The following DIP2A variants were observed in gnomAD, a reference collection of about 807,000 sequenced individuals.
DIP2A encodes the protein disco-interacting protein 2 homolog A.
Under a neutral mutation model 177.4 loss-of-function variants are expected in DIP2A, and 85 were observed. That is an observed-to-expected ratio of 0.48 (90% CI 0.40 to 0.57). The LOEUF (loss-of-function observed/expected upper bound fraction) is 0.57. DIP2A is among the 20% of genes least tolerant of loss of function. The pLI, the probability that DIP2A is intolerant of heterozygous loss-of-function variation, is 0.00. For missense variants in DIP2A, 1,791 were observed against 2,100.2 expected (o/e 0.85, Z 2.88); for synonymous variants, 886 against 881.8 (o/e 1.00, Z -0.08).
intron 34 of DIP2A, among the ~76,000 whole-genome samples, chr21:46,562,523 C>T (rs1325924721): frequency 6.6e-6 from 1 of 152,138 alleles, no homozygotes; most frequent in Non-Finnish European, 1.5e-5. Context: ...GAGAGGGGTC[C>T]AGAGAGGGAC....
chr21:46,534,767 T>G, intron 13 of DIP2A, 80 bp downstream of exon 13: 2 of 1,308,262 alleles, frequency 1.5e-6, no homozygotes, highest in Non-Finnish European at 2.1e-6. Context: ...TGACTGTCAC[T>G]GCACCTGTCA....
At chr21:46,554,113 G>A (rs1036973742) in intron 25 of DIP2A, 56 bp from the exon 26 acceptor site, 14 of 1,568,944 alleles carry the variant, frequency 8.9e-6, no homozygotes, top group South Asian at 2.3e-5. Flanking sequence ...GCAGATCTGC[G>A]AACAGCCCAC....
chr21:46,543,737 C>T (rs536981438), intron 18 of DIP2A, among the ~76,000 whole-genome samples: 4 of 152,298 alleles, frequency 2.6e-5, no homozygotes, highest in African/African-American at 7.2e-5. Flanking sequence ...TGTGGCTTTT[C>T]GTGACCTTGC....
intron 35 of DIP2A, 62 bp from the exon 36 acceptor site, chr21:46,565,651 G>C (rs552325804): frequency 2.0e-6 from 3 of 1,516,116 alleles, no homozygotes. Flanking sequence ...TGGATGTCTC[G>C]TGACAGAATC....
At chr21:46,558,589 G>A (rs1166493109) in intron 32 of DIP2A, 196 bp downstream of exon 32, 12 of 618,488 alleles carry the variant, frequency 1.9e-5, no homozygotes. Flanking sequence ...GTTGGAGAAA[G>A]GCTTATTTGG....
chr21:46,522,054 C>A (rs555866880), intron 8 of DIP2A, among the ~76,000 whole-genome samples: 16 of 152,324 alleles, frequency 1.1e-4, no homozygotes, highest in South Asian at 6.2e-4. Context: ...AAGCATTTAG[C>A]AAACCTAATA....
chr21:46,554,845 C>T lies in DIP2A; in HGVS notation c.3300C>T (p.Leu1100=). The change falls in exon 28 of 38, where the codon CTC becomes CTT. Residue 1100 remains leucine, a synonymous_variant. Transcript: ENST00000417564. ...IVEVSKSACV[L]TTQAVTRLLR... Reference sequence around the variant, plus strand: ...AGGTCAGCAAGTCTGCATGCGTCCTCACCACGCAGGCTGTCACACGGCTGC... The same window carrying T: ...AGGTCAGCAAGTCTGCATGCGTCCTTACCACGCAGGCTGTCACACGGCTGC... 6.5e-7 allele frequency: 1 copy of T among 1,544,954 alleles called. No individual in the cohort carries two copies. Among genetic ancestry groups the T allele is most frequent in the Non-Finnish European group, 8.7e-7 (1 of 1,144,838 alleles).
In DIP2A at chr21:46,534,044, T is replaced by A. The variant is rs775309014; in HGVS notation, c.1470T>A (p.His490Gln). 1 of 1,613,776 alleles carries A rather than the reference T, an allele frequency of 6.2e-7. No homozygotes were observed. The change falls in exon 12 of 38, where the codon CAT (histidine) becomes CAA (glutamine). Residue 490 changes from histidine (H) to glutamine (Q), a missense_variant. Coordinates refer to ENST00000417564, the MANE Select transcript of DIP2A (RefSeq NM_015151.4). ...CCTGGCTAGTGATTGATGGGAAGCATCTAGCCAAGCCCCCAAAGGACTGGC... is the reference window on the plus strand; with the variant it reads ...CCTGGCTAGTGATTGATGGGAAGCAACTAGCCAAGCCCCCAAAGGACTGGC... ...PLSWLVIDGKHLAKPPKDWHP... is the reference protein window; with the variant it reads ...PLSWLVIDGKQLAKPPKDWHP...
At chr21:46,550,861 G>A in intron 23 of DIP2A, 117 bp downstream of exon 23, 1 of 1,080,538 alleles carries the variant, frequency 9.3e-7, no homozygotes. Context: ...CTTTGGGGCT[G>A]GGGTCAAGAG....
At chr21:46,481,433 T>C (rs1197524331) in intron 1 of DIP2A, among the ~76,000 whole-genome samples, 2 of 152,200 alleles carry the variant, frequency 1.3e-5, no homozygotes, top group Non-Finnish European at 2.9e-5. Context: ...GTGTACAGGT[T>C]TTTATGTGAA....
Position 46,556,876 on chromosome 21 carries a change from C to G in DIP2A, c.3499-63C>G. On this transcript the variant is annotated intron_variant, in intron 29 of 37. Transcript: ENST00000417564. The surrounding 1 kb of genome is among the most constrained non-coding windows in gnomAD (Gnocchi z 4.5). ...CCATGTGAACAGCGGACACTGCCAT[C>G]CACCCTCTCCCCTCCTGAATTTCAT... is the stretch of plus-strand genomic sequence containing the variant. 2 of 1,419,916 alleles carry G rather than the reference C, an allele frequency of 1.4e-6. No homozygotes were observed. The highest frequency in any genetic ancestry group is 1.9e-6 in the Non-Finnish European group (2 of 1,057,696). 88.0% of individuals were successfully genotyped at this position (1,419,916 alleles called of 1,614,324 possible).
At position 46,490,691 on chromosome 21, in the gene DIP2A, C is replaced by T. The variant is rs757283599; in HGVS notation, c.255C>T (p.Thr85=). ...CCAAGCAGCAGAAGTCTCGGCCCAC[C>T]GCCTCGAGGGATGAGCGCTTCCGGT... ...AAPKQQKSRP[T]ASRDERFRSD... The change falls in exon 3 of 38, where the codon ACC becomes ACT. Residue 85 remains threonine (T), a synonymous_variant. Transcript: ENST00000417564. The T allele has an allele frequency of 9.3e-5, 147 of 1,586,096 alleles. No individual in the cohort carries two copies. Among genetic ancestry groups the T allele is most frequent in the Non-Finnish European group, 1.2e-4 (141 of 1,166,354 alleles).
chr21:46,459,137 T>G lies in DIP2A; in HGVS notation c.6T>G (p.Ala2=). The G allele has an allele frequency of 6.6e-7, 1 of 1,511,502 alleles. No individual in the cohort carries two copies. Among genetic ancestry groups the G allele is most frequent in the Non-Finnish European group, 8.8e-7 (1 of 1,131,100 alleles). The allele number at this position is 1,511,502 out of a possible 1,614,324, so 93.6% of individuals were successfully genotyped here. Residue 2 remains alanine, a synonymous_variant, in exon 1 of 38, where the codon GCT becomes GCG. Coordinates refer to ENST00000417564, the MANE Select transcript of DIP2A (RefSeq NM_015151.4). ...GGACGCTAGCCGGCCTGGCCATGGC[T>G]GACCGCGGGTGCCCGCTGGAGGCGG... M[A]DRGCPLEAAP...
intron 9 of DIP2A, among the ~76,000 whole-genome samples, chr21:46,531,509 G>C (rs2059355395): frequency 6.6e-6 from 1 of 152,202 alleles, no homozygotes; most frequent in Non-Finnish European, 1.5e-5. Flanking sequence ...CAACGCTTTA[G>C]AATGAATTCA....
Position 46,550,622 on chromosome 21 carries a change from G to A in DIP2A, c.2717G>A (p.Gly906Glu). 6.2e-7 allele frequency: 1 copy of A among 1,613,930 alleles called. No individual in the cohort carries two copies. Among genetic ancestry groups the A allele is most frequent in the South Asian group, 1.1e-5 (1 of 91,042 alleles). ...PANTLPKAPLGGIHISETKQR... is the reference protein window; with the variant it reads ...PANTLPKAPLEGIHISETKQR... Reference sequence around the variant, plus strand: ...AACACCTTGCCCAAGGCTCCTCTCGGAGGGATTCACATTTCTGAAACCAAA... The same window carrying A: ...AACACCTTGCCCAAGGCTCCTCTCGAAGGGATTCACATTTCTGAAACCAAA... The change falls in exon 23 of 38, where the codon GGA (glycine) becomes GAA (glutamate). Residue 906 changes from glycine to glutamate, a missense_variant. Physicochemically the swap from Gly to Glu is moderately conservative, Grantham distance 98 (BLOSUM62 -2). Transcript: ENST00000417564.
intron 31 of DIP2A, 90 bp from the exon 32 acceptor site, chr21:46,558,133 T>C: frequency 7.3e-7 from 1 of 1,368,988 alleles, no homozygotes; most frequent in Admixed American, 2.3e-5. Flanking sequence ...CACCTCTGTG[T>C]GCCCACCCGG....
intron 21 of DIP2A, chr21:46,547,339 G>C: frequency 1.7e-6 from 1 of 601,160 alleles, no homozygotes; most frequent in Non-Finnish European, 2.3e-6. Flanking sequence ...AAGCAAAGGA[G>C]AAATGGGTCT....
chr21:46,556,708 T>A lies in DIP2A; in HGVS notation c.3499-231T>A, dbSNP rs999331471. 1.6e-5 allele frequency: 8 copies of A among 514,304 alleles called. No individual in the cohort carries two copies. The highest frequency in any genetic ancestry group is 7.0e-5 in the Admixed American group (2 of 28,384). The allele number at this position is 514,304 out of a possible 1,614,324, so 31.9% of individuals were successfully genotyped here. A position where few individuals can be genotyped will look rare whatever the true frequency, so the allele number is the denominator to read the frequency against. On this transcript the variant is annotated intron_variant, in intron 29 of 37. Transcript: ENST00000417564. This position sits in a 1 kb window ranked among gnomAD's most constrained non-coding sequence, Gnocchi z 4.5. The stretch of plus-strand genomic sequence containing the variant: ...AAAAAAAAAAAAAAGAAAAAAATTT[T>A]AAAAATTCATTACCCTGAAATTTTG...
chr21:46,574,976 A>G (rs2060983031), downstream of DIP2A, among the ~76,000 whole-genome samples: 1 of 152,150 alleles, frequency 6.6e-6, no homozygotes, highest in Non-Finnish European at 1.5e-5. Flanking sequence ...CACTACAAAA[A>G]CAGAAAACTA....
Sources: allele counts gnomAD v4.1 joint callset (sites outside exome capture counted in the v4.1 genomes callset), GRCh38; gene constraint gnomAD v4.1.1; non-coding constraint Gnocchi (gnomAD v3.1); transcripts MANE v1.5; gene names NCBI Gene and HGNC (gene_info 2026-07-23, HGNC 2026-07-21).